The following UGGT2 variants were observed in gnomAD, a reference collection of about 807,000 sequenced individuals.
The protein encoded by UGGT2 is UDP-glucose glycoprotein glucosyltransferase 2, also known as UDP-glucose:glycoprotein glucosyltransferase 2.
A neutral mutation model predicts 192.1 loss-of-function variants in UGGT2; 180 were observed. The ratio of observed to expected loss-of-function variants is 0.94; its 90% CI spans 0.83 to 1.06. UGGT2 has a LOEUF of 1.06. Among genes scored for constraint, UGGT2 ranks in the 50% least tolerant of loss-of-function variants. The pLI is 0.00. For synonymous variants in UGGT2, 580 were observed against 591.0 expected, an observed-to-expected ratio of 0.98 and a Z score of 0.27; for missense variants, 1,849 against 1,795.7, an observed-to-expected ratio of 1.03 and a Z score of -0.54.
At chr13:95,897,281 G>A (rs908733965) in intron 22 of UGGT2, among the ~76,000 whole-genome samples, 5 of 151,652 alleles carry the variant, frequency 3.3e-5, no homozygotes, top group African/African-American at 1.2e-4. Flanking sequence ...ACTGGAATTT[G>A]AATCCAGATC....
intron 27 of UGGT2, among the ~76,000 whole-genome samples, chr13:95,881,955 A>G (rs776481578): frequency 4.0e-5 from 6 of 150,002 alleles, no homozygotes; most frequent in Middle Eastern, 3.2e-3. Context: ...GTCACCCAGG[A>G]TGGAGTGCCA....
rs79795590 is a variant in UGGT2, at chr13:95,951,494, G to C, written c.1336-2040C>G. On this transcript the variant is annotated intron_variant, in intron 12 of 38. Transcript: ENST00000376747. ...GAGAATTTGGCAGCTCTTTGGAAAG[G>C]GCAATCAGAACTCCCATTCCCAATG... Among the ~76,000 whole-genome samples, 895 of 152,260 alleles carry C rather than the reference G, an allele frequency of 5.9e-3. 9 individuals carry two copies. The highest frequency in any genetic ancestry group is 0.048 in the Middle Eastern group (14 of 294).
intron 29 of UGGT2, among the ~76,000 whole-genome samples, chr13:95,873,285 T>C (rs531968014): frequency 1.2e-4 from 18 of 152,346 alleles, no homozygotes; most frequent in East Asian, 1.2e-3. Context: ...TACACTACCA[T>C]AGCACTCTTT....
intron 2 of UGGT2, among the ~76,000 whole-genome samples, chr13:96,026,906 C>T (rs1220593435): frequency 6.6e-6 from 1 of 152,002 alleles, no homozygotes; most frequent in Admixed American, 6.6e-5. Context: ...CTCCTGACCT[C>T]ATGATCCACC....
intron 29 of UGGT2, among the ~76,000 whole-genome samples, chr13:95,873,866 G>A (rs1431755800): frequency 1.3e-5 from 2 of 152,082 alleles, no homozygotes; most frequent in African/African-American, 2.4e-5. Context: ...AGAGCCACAC[G>A]GACATCTGTC....
At chr13:95,809,958 T>C (rs1884499088) in intron 38 of UGGT2, among the ~76,000 whole-genome samples, 2 of 152,228 alleles carry the variant, frequency 1.3e-5, no homozygotes, top group African/African-American at 4.8e-5. Flanking sequence ...TAATATGAGA[T>C]AAATAGGTAT....
chr13:95,807,941 C>T lies in UGGT2; in HGVS notation c.4529-6129G>A, dbSNP rs568765190. Among the ~76,000 whole-genome samples the T allele has an allele frequency of 8.6e-5, 13 of 152,004 alleles. No individual in the cohort carries two copies. In the South Asian group the frequency reaches 1.7e-3, roughly 19 times the overall value. On this transcript the variant is annotated intron_variant, in intron 38 of 38. Coordinates refer to ENST00000376747, the MANE Select transcript of UGGT2 (RefSeq NM_020121.4). ...CATGTTCTATCAGGGTTCTCTTCCA[C>T]GGCACTGACAATCTTTTCCAAAGAG...
chr13:96,019,130 G>T (rs924215641), intron 4 of UGGT2, among the ~76,000 whole-genome samples: 14 of 133,110 alleles, frequency 1.1e-4, no homozygotes, highest in African/African-American at 1.9e-4. Flanking sequence ...AGCGGGGGGG[G>T]GGGGGGGGAA....
chr13:95,840,607 T>C (rs1887760884), intron 36 of UGGT2, among the ~76,000 whole-genome samples: 1 of 151,838 alleles, frequency 6.6e-6, no homozygotes, highest in African/African-American at 2.4e-5. Context: ...CTGGTGGGAG[T>C]GTACATTAGT....
At chr13:95,819,407 G>A (rs764806945) in intron 38 of UGGT2, among the ~76,000 whole-genome samples, 8 of 151,870 alleles carry the variant, frequency 5.3e-5, no homozygotes, top group South Asian at 2.1e-4. Flanking sequence ...CTTTGATTTA[G>A]TCACTGCTCA....
At position 96,013,431 on chromosome 13, in the gene UGGT2, T is replaced by C. The variant is rs1403417883; in HGVS notation, c.536A>G (p.Glu179Gly). 2 of 1,603,002 alleles carry C rather than the reference T, an allele frequency of 1.2e-6. No individual in the cohort carries two copies. Among genetic ancestry groups the C allele is most frequent in the African/African-American group, 2.7e-5 (2 of 74,414 alleles). The change falls in exon 5 of 39, where the codon GAG (glutamate) becomes GGG (glycine). Residue 179 changes from glutamate to glycine, a missense_variant. By Grantham distance (98) the Glu-to-Gly change is moderately conservative. Coordinates refer to ENST00000376747, the MANE Select transcript of UGGT2 (RefSeq NM_020121.4). The part of the protein sequence containing the change: ...KGDHKFPTNK[E>G]NLPVVILYAE... ...ATAGAGAATCACCACTGGTAAGTTC[T>C]CTTTGTTTGTAGGAAATTTGTGATC...
chr13:95,911,504 G>C (rs1490344311), intron 20 of UGGT2, among the ~76,000 whole-genome samples: 1 of 152,012 alleles, frequency 6.6e-6, no homozygotes, highest in Non-Finnish European at 1.5e-5. Flanking sequence ...ATAAATTCCT[G>C]GACACATACA....
intron 24 of UGGT2, among the ~76,000 whole-genome samples, chr13:95,891,486 G>C (rs990749814): frequency 6.6e-5 from 10 of 151,762 alleles, no homozygotes; most frequent in Non-Finnish European, 1.2e-4. Flanking sequence ...TGTCCTATCC[G>C]TTTTTATCTT....
Position 95,939,998 on chromosome 13 carries a change from C to A in UGGT2, c.1771G>T (p.Asp591Tyr), listed in dbSNP as rs752047541. ...TATTTAGAATGAATTCCCAAAATATCCCAAATATTAGCATGAGGAAATGTA... is the reference window on the plus strand; with the variant it reads ...TATTTAGAATGAATTCCCAAAATATACCAAATATTAGCATGAGGAAATGTA... The part of the protein sequence containing the change: ...QNTFPHANIW[D>Y]ILGIHSKYDE... Residue 591 changes from aspartate to tyrosine, a missense_variant, in exon 16 of 39, where the codon GAT becomes TAT. Coordinates refer to ENST00000376747, the MANE Select transcript of UGGT2 (RefSeq NM_020121.4). 1.9e-6 allele frequency: 3 copies of A among 1,601,648 alleles called. No individual in the cohort carries two copies. Among genetic ancestry groups the A allele is most frequent in the African/African-American group, 2.7e-5 (2 of 74,078 alleles).
intron 10 of UGGT2, among the ~76,000 whole-genome samples, chr13:95,978,449 G>A (rs890859065): frequency 3.9e-5 from 6 of 152,118 alleles, no homozygotes; most frequent in African/African-American, 1.4e-4. Context: ...TGAATAATCT[G>A]AAAATACTCT....
chr13:95,985,423 T>C, intron 9 of UGGT2: 1 of 354,414 alleles, frequency 2.8e-6, no homozygotes, highest in East Asian at 8.1e-5. Flanking sequence ...ACTATTTATT[T>C]ACTTTCAAAA....
intron 5 of UGGT2, among the ~76,000 whole-genome samples, chr13:96,001,546 A>G (rs1177076629): frequency 2.6e-5 from 4 of 152,180 alleles, no homozygotes; most frequent in African/African-American, 9.7e-5. Context: ...ACGGACGCGC[A>G]TGAAACTCTA....
chr13:96,050,793 C>T (rs2053461856), intron 1 of UGGT2, among the ~76,000 whole-genome samples: 2 of 152,190 alleles, frequency 1.3e-5, no homozygotes, highest in South Asian at 2.1e-4. Context: ...TACCATCTCA[C>T]ACCAGTTAGA....
chr13:95,982,890 C>T (rs1004237218), intron 10 of UGGT2, among the ~76,000 whole-genome samples: 1 of 152,172 alleles, frequency 6.6e-6, no homozygotes, highest in East Asian at 1.9e-4. Flanking sequence ...GTTCCTAACA[C>T]CTGTTCTCCA....
Sources: gnomAD v4.1 joint callset for allele counts (sites outside exome capture counted in the v4.1 genomes callset) on GRCh38, gnomAD v4.1.1 for gene constraint, MANE v1.5 for transcripts, NCBI Gene and HGNC (gene_info 2026-07-23, HGNC 2026-07-21) for gene names.